The following FBXL20 variants were observed in gnomAD, a reference collection of about 807,000 sequenced individuals.
The protein encoded by FBXL20 is F-box and leucine rich repeat protein 20.
A neutral mutation model predicts 64.0 loss-of-function variants in FBXL20; 11 were observed. The observed-to-expected ratio is 0.17, with a 90% CI of 0.11 to 0.28. The LOEUF is 0.28. FBXL20 is among the 10% of genes least tolerant of loss of function. The pLI is 1.00. For synonymous variants in FBXL20, 184 were observed against 189.0 expected, an observed-to-expected ratio of 0.97 and a Z score of 0.22; for missense variants, 303 against 526.2, an observed-to-expected ratio of 0.58 and a Z score of 4.15.
intron 1 of FBXL20, among the ~76,000 whole-genome samples, chr17:39,367,717 A>G (rs572250681): frequency 2.6e-5 from 4 of 152,012 alleles, no homozygotes; most frequent in African/African-American, 9.6e-5. Flanking sequence ...GGATTATCAT[A>G]TTTTAAAATT....
At chr17:39,382,303 C>T (rs1237799023) in intron 1 of FBXL20, among the ~76,000 whole-genome samples, 2 of 151,338 alleles carry the variant, frequency 1.3e-5, no homozygotes, top group Non-Finnish European at 2.9e-5. Context: ...ATTAGCCAGG[C>T]ATGGTGGCGT....
intron 3 of FBXL20, among the ~76,000 whole-genome samples, chr17:39,302,900 T>G (rs2047150583): frequency 6.6e-6 from 1 of 151,894 alleles, no homozygotes; most frequent in African/African-American, 2.4e-5. Context: ...AAAGATACTA[T>G]CATTGCTCTG....
chr17:39,340,642 G>C (rs1366507089), intron 2 of FBXL20, among the ~76,000 whole-genome samples: 2 of 151,682 alleles, frequency 1.3e-5, no homozygotes, highest in Non-Finnish European at 1.5e-5. Context: ...CCTATTTTTA[G>C]AACTTTTTGT....
intron 14 of FBXL20, 187 bp downstream of exon 14, chr17:39,263,988 A>T (rs991084285): frequency 1.6e-6 from 1 of 631,230 alleles, no homozygotes; most frequent in African/African-American, 1.8e-5. Context: ...TTTTCCTACT[A>T]AATTTCCATC....
intron 1 of FBXL20, among the ~76,000 whole-genome samples, chr17:39,393,517 G>A (rs959460618): frequency 6.6e-6 from 1 of 152,032 alleles, no homozygotes; most frequent in Non-Finnish European, 1.5e-5. Context: ...CCATAGTAAT[G>A]CCTAAGATCA....
upstream of FBXL20, chr17:39,401,674 A>G: frequency 7.7e-7 from 1 of 1,290,720 alleles, no homozygotes; most frequent in Non-Finnish European, 9.8e-7. Flanking sequence ...ACCTGCCAGC[A>G]ACGCCGCTGC....
At chr17:39,307,569 C>G (rs1228146705) in intron 2 of FBXL20, among the ~76,000 whole-genome samples, 1 of 152,146 alleles carries the variant, frequency 6.6e-6, no homozygotes, top group Non-Finnish European at 1.5e-5. Flanking sequence ...AATTTACATA[C>G]TAATCCAATG....
chr17:39,299,422 G>C (rs1275735979), intron 4 of FBXL20, among the ~76,000 whole-genome samples: 1 of 152,030 alleles, frequency 6.6e-6, no homozygotes, highest in African/African-American at 2.4e-5. Context: ...TTATTTTTTT[G>C]TATCTTTTCC....
At chr17:39,322,946 A>G (rs1194153794) in intron 2 of FBXL20, among the ~76,000 whole-genome samples, 1 of 148,530 alleles carries the variant, frequency 6.7e-6, no homozygotes, top group East Asian at 2.0e-4. Context: ...CTAGGACTAC[A>G]GGCACCAGCC....
chr17:39,301,792 G>A (rs2047138416), intron 3 of FBXL20, among the ~76,000 whole-genome samples: 1 of 152,016 alleles, frequency 6.6e-6, no homozygotes, highest in Admixed American at 6.6e-5. Flanking sequence ...AGCTATTCGG[G>A]AGGCTGAGGT....
chr17:39,258,427 AG>A lies in FBXL20; in HGVS notation c.*3032del, dbSNP rs1456236405. On this transcript the variant is annotated 3_prime_UTR_variant, in exon 15 of 15. Coordinates refer to ENST00000264658, the MANE Select transcript of FBXL20 (RefSeq NM_032875.3). ...CTGAAGTTTTCTTGAGAAAGGAACA[AG>A]GCTTCTGCCTGACAACATACAAGCC... The A allele has an allele frequency of 6.6e-6, 1 of 152,234 alleles. No homozygotes were observed. Among genetic ancestry groups the A allele is most frequent in the African/African-American group, 2.4e-5 (1 of 41,456 alleles). 9.4% of individuals were successfully genotyped at this position (152,234 alleles called of 1,614,324 possible).
intron 1 of FBXL20, among the ~76,000 whole-genome samples, chr17:39,347,254 G>A (rs1237788137): frequency 1.3e-5 from 2 of 152,170 alleles, no homozygotes; most frequent in Non-Finnish European, 2.9e-5. Flanking sequence ...GTAGATCCTT[G>A]AGGAATCGCC....
At chr17:39,353,704 C>A (rs986244908) in intron 1 of FBXL20, among the ~76,000 whole-genome samples, 1 of 151,866 alleles carries the variant, frequency 6.6e-6, no homozygotes, top group Non-Finnish European at 1.5e-5. Context: ...CTCACTGCAA[C>A]CTCCACCTCC....
intron 1 of FBXL20, among the ~76,000 whole-genome samples, chr17:39,396,290 C>T (rs190273888): frequency 3.9e-5 from 6 of 152,048 alleles, no homozygotes; most frequent in Admixed American, 3.9e-4. Flanking sequence ...AATCACCAAG[C>T]TAGAAAAGTA....
chr17:39,320,988 G>T (rs1050435528), intron 2 of FBXL20, among the ~76,000 whole-genome samples: 2 of 152,100 alleles, frequency 1.3e-5, no homozygotes, highest in Admixed American at 6.6e-5. Context: ...TTTTATGATT[G>T]CATTTGCTAA....
intron 2 of FBXL20, among the ~76,000 whole-genome samples, chr17:39,304,765 T>TTG (rs2047166832): frequency 6.6e-6 from 1 of 151,804 alleles, no homozygotes; most frequent in African/African-American, 2.4e-5. Context: ...CTAATTTTTT[T>TTG]TTGTTGTTGT....
chr17:39,272,779 A>G (rs1483670059), intron 10 of FBXL20, among the ~76,000 whole-genome samples: 1 of 152,150 alleles, frequency 6.6e-6, no homozygotes, highest in Non-Finnish European at 1.5e-5. Flanking sequence ...CCTAATGGGA[A>G]AACACGATCT....
intron 2 of FBXL20, among the ~76,000 whole-genome samples, chr17:39,322,583 G>A (rs1026364796): frequency 1.3e-5 from 2 of 152,096 alleles, no homozygotes; most frequent in African/African-American, 4.8e-5. Flanking sequence ...ATTCTCATGA[G>A]TAGAATACTC....
intron 1 of FBXL20, among the ~76,000 whole-genome samples, chr17:39,344,773 C>T (rs181622515): frequency 3.3e-5 from 5 of 152,180 alleles, no homozygotes; most frequent in African/African-American, 9.6e-5. Flanking sequence ...CTGGGTGACA[C>T]AGCAATACTC....
Sources: allele counts gnomAD v4.1 joint callset (sites outside exome capture counted in the v4.1 genomes callset), GRCh38; gene constraint gnomAD v4.1.1; transcripts MANE v1.5; gene names NCBI Gene and HGNC (gene_info 2026-07-23, HGNC 2026-07-21).